Variants in TBC1D1 observed in about 807,000 individuals in gnomAD.
The protein encoded by TBC1D1 is TBC1 domain family member 1.
In TBC1D1, 89 loss-of-function variants were observed where a neutral mutation model predicts 125.6. The observed-to-expected ratio is 0.71, with a 90% CI of 0.60 to 0.85. TBC1D1 has a LOEUF of 0.85. Among genes scored for constraint, TBC1D1 ranks in the 40% least tolerant of loss-of-function variants. The probability of loss-of-function intolerance (pLI) is 0.00; values close to 1 mark genes in which losing one functional copy is unlikely to be tolerated. For synonymous variants in TBC1D1, 565 were observed against 564.1 expected (o/e 1.00, Z -0.02); for missense variants, 1,377 against 1,469.2 (o/e 0.94, Z 1.03).
chr4:38,021,335 A>T (rs1449647390), intron 5 of TBC1D1, among the ~76,000 whole-genome samples: 2 of 152,184 alleles, frequency 1.3e-5, no homozygotes, highest in Non-Finnish European at 2.9e-5. Context: ...ACAATTCAAG[A>T]TGAGATTTGG....
At chr4:37,948,770 C>G (rs564077875) in intron 2 of TBC1D1, among the ~76,000 whole-genome samples, 17 of 152,270 alleles carry the variant, frequency 1.1e-4, no homozygotes, top group African/African-American at 3.9e-4. Flanking sequence ...GCTGTCACCC[C>G]CCGTCTTCCT....
intron 2 of TBC1D1, among the ~76,000 whole-genome samples, chr4:37,986,243 C>G (rs1304432302): frequency 2.0e-5 from 3 of 152,120 alleles, no homozygotes; most frequent in East Asian, 3.8e-4. Context: ...AACTGACACC[C>G]AGAGCGATGA....
chr4:37,897,825 A>G (rs1714976184), intron 1 of TBC1D1, among the ~76,000 whole-genome samples: 1 of 152,248 alleles, frequency 6.6e-6, no homozygotes, highest in Non-Finnish European at 1.5e-5. Context: ...AAGTCGATCC[A>G]GACATTTAAT....
intron 2 of TBC1D1, among the ~76,000 whole-genome samples, chr4:37,964,640 G>A (rs1416848207): frequency 6.6e-6 from 1 of 152,222 alleles, no homozygotes; most frequent in East Asian, 1.9e-4. Context: ...GCCTGGATGG[G>A]GACAAGGGGC....
chr4:37,975,846 G>A (rs539996299), intron 2 of TBC1D1, among the ~76,000 whole-genome samples: 1 of 151,996 alleles, frequency 6.6e-6, no homozygotes, highest in Non-Finnish European at 1.5e-5. Flanking sequence ...TCATATCTAA[G>A]ATCTATATCT....
At chr4:38,005,973 C>A (rs1228315680) in intron 2 of TBC1D1, among the ~76,000 whole-genome samples, 1 of 152,030 alleles carries the variant, frequency 6.6e-6, no homozygotes, top group African/African-American at 2.4e-5. Flanking sequence ...TTGCAAATTA[C>A]CCGTGTTTTT....
intron 3 of TBC1D1, among the ~76,000 whole-genome samples, chr4:38,015,623 C>T (rs1029615584): frequency 1.3e-5 from 2 of 152,142 alleles, no homozygotes; most frequent in Non-Finnish European, 2.9e-5. Context: ...TGGGTCTGAA[C>T]GGATGAGATG....
rs139533477 is a variant in TBC1D1 at position 37,939,436 on chromosome 4, G to A, written c.417+36924G>A. Among the ~76,000 whole-genome samples the A allele has an allele frequency of 8.4e-3, 1,278 of 152,272 alleles. 11 individuals are homozygous for A. The highest frequency in any genetic ancestry group is 0.028 in the African/African-American group (1,144 of 41,562). ...TCTGGATATTAGCCCTTTGTCAGATGAGTAGATTGCAAAAACTTTCTCCCA... is the reference window on the plus strand; with the variant it reads ...TCTGGATATTAGCCCTTTGTCAGATAAGTAGATTGCAAAAACTTTCTCCCA... On this transcript the variant is annotated intron_variant, in intron 2 of 19. Coordinates refer to ENST00000261439, the MANE Select transcript of TBC1D1 (RefSeq NM_015173.4).
intron 2 of TBC1D1, among the ~76,000 whole-genome samples, chr4:37,912,658 C>A (rs963187425): frequency 2.0e-5 from 3 of 152,142 alleles, no homozygotes; most frequent in Admixed American, 1.3e-4. Flanking sequence ...GGGCTCCTCC[C>A]TCATGAATGC....
In TBC1D1 at chr4:37,906,880, C is replaced by T. The variant is rs534880684; in HGVS notation, c.417+4368C>T. Among the ~76,000 whole-genome samples the T allele has an allele frequency of 1.6e-3, 243 of 152,308 alleles. 2 individuals are homozygous for T. Among genetic ancestry groups the T allele is most frequent in the African/African-American group, 5.7e-3 (237 of 41,580 alleles). Reference sequence around the variant, plus strand: ...GTTCTAAGGATTTCTTTTCACTCCTCAAAGTTGTTAAGGATCCCAAAGACC... The same window carrying T: ...GTTCTAAGGATTTCTTTTCACTCCTTAAAGTTGTTAAGGATCCCAAAGACC... On this transcript the variant is annotated intron_variant, in intron 2 of 19. Coordinates refer to ENST00000261439, the MANE Select transcript of TBC1D1 (RefSeq NM_015173.4).
intron 10 of TBC1D1, 120 bp from the exon 11 acceptor site, chr4:38,049,498 T>C: frequency 4.1e-6 from 5 of 1,220,304 alleles, no homozygotes; most frequent in Non-Finnish European, 5.7e-6. Context: ...GGCTTCTAGA[T>C]GGCATTATAA....
At chr4:37,972,155 C>T (rs1035101135) in intron 2 of TBC1D1, among the ~76,000 whole-genome samples, 1 of 152,168 alleles carries the variant, frequency 6.6e-6, no homozygotes, top group African/African-American at 2.4e-5. Flanking sequence ...TCAATTCTGA[C>T]TGCATGAGAG....
intron 12 of TBC1D1, among the ~76,000 whole-genome samples, chr4:38,082,863 TC>T (rs1756819517): frequency 6.6e-6 from 1 of 151,998 alleles, no homozygotes; most frequent in Admixed American, 6.5e-5. Context: ...AGGACTTTTT[TC>T]TTCCTCATCT....
intron 2 of TBC1D1, among the ~76,000 whole-genome samples, chr4:37,908,751 A>C (rs1717898741): frequency 6.6e-6 from 1 of 152,066 alleles, no homozygotes; most frequent in African/African-American, 2.4e-5. Flanking sequence ...CCCTCTCCCA[A>C]AAAGGAAGTC....
At position 38,021,841 on chromosome 4, in the gene TBC1D1, G is replaced by A. The variant is rs933512345; in HGVS notation, c.1210+123G>A. On this transcript the variant is annotated intron_variant, in intron 6 of 19. Transcript: ENST00000261439. ...GAGGCTTGTATTAGTCACAGGGATTGTAGGTGGACTCTCAGTGTGCAGTGG... is the reference window on the plus strand; with the variant it reads ...GAGGCTTGTATTAGTCACAGGGATTATAGGTGGACTCTCAGTGTGCAGTGG... 1.3e-5 allele frequency: 15 copies of A among 1,121,648 alleles called. No individual in the cohort carries two copies. In the East Asian group the frequency reaches 4.8e-4, roughly 36 times the overall value. 69.5% of individuals were successfully genotyped at this position (1,121,648 alleles called of 1,614,324 possible).
intron 11 of TBC1D1, among the ~76,000 whole-genome samples, chr4:38,052,579 C>T (rs1750820391): frequency 6.6e-6 from 1 of 152,058 alleles, no homozygotes; most frequent in Non-Finnish European, 1.5e-5. Flanking sequence ...AAGTGATCCG[C>T]CTGCCTCAGT....
Position 37,893,193 on chromosome 4 carries a change from A to G in TBC1D1, c.-94+1845A>G, listed in dbSNP as rs145455952. Reference sequence around the variant, plus strand: ...TGGTAGGGAGGAGAGCAAGGGGCTCAAGAGGATTCTGTCTTTGAACATGCT... The same window carrying G: ...TGGTAGGGAGGAGAGCAAGGGGCTCGAGAGGATTCTGTCTTTGAACATGCT... On this transcript the variant is annotated intron_variant, in intron 1 of 19. Transcript: ENST00000261439. Among the ~76,000 whole-genome samples the G allele has an allele frequency of 1.3e-4, 20 of 152,288 alleles. No individual in the cohort carries two copies. The East Asian group carries it at 3.9e-3, about 29-fold the overall frequency.
At chr4:37,991,778 G>A (rs952345007) in intron 2 of TBC1D1, among the ~76,000 whole-genome samples, 5 of 152,140 alleles carry the variant, frequency 3.3e-5, no homozygotes, top group African/African-American at 1.2e-4. Flanking sequence ...GTCTAGTTGT[G>A]TCTAGCCTGG....
At chr4:38,124,928 TG>T in intron 17 of TBC1D1, 33 bp from the exon 20 acceptor site, 1 of 1,599,962 alleles carries the variant, frequency 6.3e-7, no homozygotes. Flanking sequence ...GAAACTGGTC[TG>T]GTTTAACTTT....
Sources: allele counts gnomAD v4.1 joint callset (sites outside exome capture counted in the v4.1 genomes callset), GRCh38; gene constraint gnomAD v4.1.1; transcripts MANE v1.5; gene names NCBI Gene and HGNC (gene_info 2026-07-23, HGNC 2026-07-21).